RANBP2: variants seen among roughly 807,000 people sequenced by gnomAD.
RANBP2 encodes RAN binding protein 2, also known as E3 SUMO-protein ligase RanBP2.
Under a neutral mutation model 303.6 loss-of-function variants are expected in RANBP2, and 57 were observed. That is an observed-to-expected ratio of 0.19 (90% CI 0.15 to 0.23). RANBP2 has a LOEUF of 0.23. Among genes scored for constraint, RANBP2 ranks in the 10% least tolerant of loss-of-function variants. RANBP2 has a pLI of 1.00. For synonymous variants in RANBP2, 1,167 were observed against 1,301.5 expected (o/e 0.90, Z 2.23); for missense variants, 3,138 against 3,780.8 (o/e 0.83, Z 4.46).
At chr2:109,162,634 C>T in the RANBP2 span, among the ~76,000 whole-genome samples, 2 of 152,164 alleles carry the variant, frequency 1.3e-5, no homozygotes, top group Non-Finnish European at 2.9e-5. Flanking sequence ...CATTGTTGGA[C>T]ATTTGGGTTG....
Position 108,740,552 on chromosome 2 carries a change from C to T in RANBP2, c.846C>T (p.Phe282=). ...LGGNDELSAT[F]LEMKGHFYMH... is the part of the protein sequence containing the mutation. ...GAAATGATGAACTGTCAGCTACTTTCTTAGAAATGAAAGGACATTTCTACA... is the reference window on the plus strand; with the variant it reads ...GAAATGATGAACTGTCAGCTACTTTTTTAGAAATGAAAGGACATTTCTACA... Residue 282 remains phenylalanine, a synonymous_variant, in exon 7 of 29, where the codon TTC becomes TTT. Coordinates refer to ENST00000283195, the MANE Select transcript of RANBP2 (RefSeq NM_006267.5). 19 of 1,597,520 alleles carry T rather than the reference C, an allele frequency of 1.2e-5. No individual in the cohort carries two copies. The highest frequency in any genetic ancestry group is 1.6e-5 in the Non-Finnish European group (19 of 1,179,782).
chr2:109,489,994 T>C, the RANBP2 span, among the ~76,000 whole-genome samples: 9 of 152,192 alleles, frequency 5.9e-5, no homozygotes, highest in South Asian at 2.1e-4. Context: ...CACCTTGGCC[T>C]CCCAAATTGC....
chr2:109,381,336 T>C, the RANBP2 span, among the ~76,000 whole-genome samples: 14 of 152,336 alleles, frequency 9.2e-5, no homozygotes, highest in South Asian at 2.3e-3. Context: ...CTGTCACTCA[T>C]ATGGACAGTG....
chr2:109,170,659 A>G, the RANBP2 span, among the ~76,000 whole-genome samples: 13 of 152,034 alleles, frequency 8.6e-5, no homozygotes, highest in Admixed American at 6.6e-4. Flanking sequence ...CAAACAGAAT[A>G]TTTCCTAAGG....
At chr2:109,377,056 G>C in the RANBP2 span, among the ~76,000 whole-genome samples, 1 of 152,260 alleles carries the variant, frequency 6.6e-6, no homozygotes, top group South Asian at 2.1e-4. Context: ...GCTGCCTTTG[G>C]ATTTGGCTTG....
At chr2:108,800,116 C>T in the RANBP2 span, among the ~76,000 whole-genome samples, 1 of 152,062 alleles carries the variant, frequency 6.6e-6, no homozygotes, top group Non-Finnish European at 1.5e-5. Flanking sequence ...GGCTTAGTCA[C>T]ATTGTTTGGT....
chr2:109,361,144 T>G, the RANBP2 span, among the ~76,000 whole-genome samples: 8 of 152,244 alleles, frequency 5.3e-5, no homozygotes, highest in African/African-American at 1.9e-4. Flanking sequence ...TTTTTAGATG[T>G]TGAGCCAGCC....
At chr2:109,332,632 G>A in the RANBP2 span, among the ~76,000 whole-genome samples, 2 of 152,160 alleles carry the variant, frequency 1.3e-5, no homozygotes, top group East Asian at 1.9e-4. Flanking sequence ...GGGCTGCCCC[G>A]TGGGTGGAAC....
the RANBP2 span, among the ~76,000 whole-genome samples, chr2:108,930,510 T>C: frequency 6.6e-6 from 1 of 152,252 alleles, no homozygotes; most frequent in East Asian, 1.9e-4. Context: ...CAAGGCCTGC[T>C]CTGAGTTCTC....
At chr2:108,727,174 C>T (rs935878265) in intron 1 of RANBP2, among the ~76,000 whole-genome samples, 25 of 152,034 alleles carry the variant, frequency 1.6e-4, no homozygotes, top group Non-Finnish European at 3.1e-4. Context: ...GGGTGGTGGC[C>T]GGGCAGAGGG....
chr2:109,198,748 T>G, the RANBP2 span, among the ~76,000 whole-genome samples: 1 of 152,130 alleles, frequency 6.6e-6, no homozygotes, highest in Non-Finnish European at 1.5e-5. Flanking sequence ...CCTAATCACC[T>G]TCCCAAAGGC....
chr2:108,989,690 G>GT, the RANBP2 span, among the ~76,000 whole-genome samples: 1 of 151,988 alleles, frequency 6.6e-6, no homozygotes, highest in Non-Finnish European at 1.5e-5. Context: ...GTATACCCAT[G>GT]TAACTTCAGA....
chr2:109,321,392 A>G, the RANBP2 span, among the ~76,000 whole-genome samples: 6 of 152,260 alleles, frequency 3.9e-5, no homozygotes, highest in African/African-American at 1.4e-4. Context: ...GATTAGGAGC[A>G]TTTGAAGTGG....
At chr2:109,529,201 C>CA in the RANBP2 span, among the ~76,000 whole-genome samples, 1 of 152,148 alleles carries the variant, frequency 6.6e-6, no homozygotes, top group African/African-American at 2.4e-5. Flanking sequence ...GAGGTGCCTG[C>CA]AGGGCCTGGC....
At chr2:108,934,657 C>T in the RANBP2 span, among the ~76,000 whole-genome samples, 1 of 152,134 alleles carries the variant, frequency 6.6e-6, no homozygotes, top group African/African-American at 2.4e-5. Flanking sequence ...TGGCAGAGGG[C>T]ATCACATGGT....
chr2:109,614,023 T>C, the RANBP2 span: 1 of 1,205,496 alleles, frequency 8.3e-7, no homozygotes, highest in East Asian at 3.4e-5. Context: ...GGACGCCCTG[T>C]GGTGCGCGCT....
the RANBP2 span, among the ~76,000 whole-genome samples, chr2:109,506,973 A>G: frequency 6.6e-6 from 1 of 152,196 alleles, no homozygotes; most frequent in South Asian, 2.1e-4. Flanking sequence ...AGAAGAGGAA[A>G]GGGCCCAGGG....
At chr2:109,433,281 C>T in the RANBP2 span, among the ~76,000 whole-genome samples, 3 of 152,334 alleles carry the variant, frequency 2.0e-5, no homozygotes, top group South Asian at 6.2e-4. Context: ...ATGATATCTT[C>T]CCAAAGGTCA....
the RANBP2 span, among the ~76,000 whole-genome samples, chr2:109,234,860 G>C: frequency 1.3e-5 from 2 of 152,218 alleles, no homozygotes; most frequent in Non-Finnish European, 2.9e-5. Context: ...AACAGTTCTA[G>C]TTGCCACCTC....
Sources: allele counts gnomAD v4.1 joint callset (sites outside exome capture counted in the v4.1 genomes callset), GRCh38; gene constraint gnomAD v4.1.1; transcripts MANE v1.5; gene names NCBI Gene and HGNC (gene_info 2026-07-23, HGNC 2026-07-21).